GRM8: variants seen among roughly 807,000 people sequenced by gnomAD.
GRM8 encodes metabotropic glutamate receptor 8.
In GRM8, 47 loss-of-function variants were observed where a neutral mutation model predicts 87.2. The observed-to-expected ratio is 0.54, with a 90% CI of 0.43 to 0.69. GRM8 has a LOEUF of 0.69. GRM8 is among the 30% of genes least tolerant of loss of function. GRM8 has a pLI of 0.00. For synonymous variants in GRM8, 396 were observed against 404.5 expected, an observed-to-expected ratio of 0.98 and a Z score of 0.25; for missense variants, 1,019 against 1,139.2, an observed-to-expected ratio of 0.89 and a Z score of 1.52.
intron 3 of GRM8, among the ~76,000 whole-genome samples, chr7:127,018,406 T>TA (rs1183077100): frequency 6.8e-6 from 1 of 147,276 alleles, no homozygotes; most frequent in African/African-American, 2.5e-5. Context: ...CTGAAAATCT[T>TA]AAAGTGGCTT....
chr7:127,218,736 C>A (rs1025654518), intron 2 of GRM8, among the ~76,000 whole-genome samples: 1 of 152,184 alleles, frequency 6.6e-6, no homozygotes, highest in Non-Finnish European at 1.5e-5. Flanking sequence ...GGAAAGCAAC[C>A]CACAGCCCAT....
intron 7 of GRM8, among the ~76,000 whole-genome samples, chr7:126,679,102 T>C (rs1305615931): frequency 6.6e-6 from 1 of 152,218 alleles, no homozygotes; most frequent in African/African-American, 2.4e-5. Flanking sequence ...CAGTAAAGAC[T>C]GTAGGCCATC....
intron 6 of GRM8, among the ~76,000 whole-genome samples, chr7:126,851,087 G>C (rs1413260998): frequency 6.6e-6 from 1 of 152,040 alleles, no homozygotes; most frequent in Non-Finnish European, 1.5e-5. Flanking sequence ...CTCCCAATCT[G>C]CTTATTGGGG....
chr7:127,125,349 G>A (rs1827302122), intron 2 of GRM8, among the ~76,000 whole-genome samples: 1 of 151,974 alleles, frequency 6.6e-6, no homozygotes, highest in South Asian at 2.1e-4. Flanking sequence ...AAAATTCAAA[G>A]GGGAAAGGAT....
intron 6 of GRM8, among the ~76,000 whole-genome samples, chr7:126,899,386 G>C (rs1470210005): frequency 6.6e-6 from 1 of 151,866 alleles, no homozygotes; most frequent in Non-Finnish European, 1.5e-5. Flanking sequence ...TGCTGTTCAC[G>C]CACCTACACG....
intron 7 of GRM8, among the ~76,000 whole-genome samples, chr7:126,648,958 C>T (rs187083251): frequency 3.9e-5 from 6 of 152,264 alleles, no homozygotes; most frequent in South Asian, 2.1e-4. Flanking sequence ...CAGTCATTTA[C>T]GAAATGGCTG....
intron 3 of GRM8, among the ~76,000 whole-genome samples, chr7:127,034,533 T>C (rs772621348): frequency 6.6e-5 from 10 of 152,180 alleles, no homozygotes; most frequent in Non-Finnish European, 1.2e-4. Flanking sequence ...CCCCTGTTCC[T>C]TCCCTTTTCC....
At chr7:126,768,673 C>T (rs1354214363) in intron 7 of GRM8, among the ~76,000 whole-genome samples, 1 of 151,838 alleles carries the variant, frequency 6.6e-6, no homozygotes, top group African/African-American at 2.4e-5. Context: ...ATTATTCTTC[C>T]CACTTCTTAA....
At chr7:127,182,632 GGTGTGTGTGTGTGT>G (rs35530710) in intron 2 of GRM8, among the ~76,000 whole-genome samples, 13,334 of 141,732 alleles carry the variant, frequency 0.094, 1,163 homozygotes, top group African/African-American at 0.23. Context: ...AAGAAAGTGT[GGTGTGTGTGTGTGT>G]GTGTGTGTGT....
At chr7:126,673,950 T>C (rs955093365) in intron 7 of GRM8, among the ~76,000 whole-genome samples, 2 of 152,214 alleles carry the variant, frequency 1.3e-5, no homozygotes, top group Non-Finnish European at 2.9e-5. Flanking sequence ...TACTGCACAC[T>C]GACTTGAGAA....
At position 127,205,168 on chromosome 7, in the gene GRM8, C is replaced by G. The variant is rs1795831627; in HGVS notation, c.510+37527G>C. ...TTTTTCAGTGAGAACAGACGCGCCA[C>G]TGCTACAGCTGGCCCTGTATGTTAT... is the stretch of plus-strand genomic sequence containing the variant. On this transcript the variant is annotated intron_variant, in intron 2 of 10. Transcript: ENST00000339582. 2.0e-5 allele frequency among the ~76,000 whole-genome samples: 3 copies of G among 152,228 alleles called. No homozygotes were observed. In the South Asian group the frequency reaches 6.2e-4, roughly 32 times the overall value.
intron 6 of GRM8, among the ~76,000 whole-genome samples, chr7:126,795,924 A>C (rs906803315): frequency 6.6e-6 from 1 of 152,094 alleles, no homozygotes; most frequent in Non-Finnish European, 1.5e-5. Context: ...TAAAACATCA[A>C]CATAGTCTAC....
At chr7:127,000,171 A>T (rs1170206999) in intron 3 of GRM8, among the ~76,000 whole-genome samples, 1 of 151,264 alleles carries the variant, frequency 6.6e-6, no homozygotes, top group Non-Finnish European at 1.5e-5. Flanking sequence ...GTTCTCACTT[A>T]TTTGTGGGAA....
At chr7:127,115,004 G>C (rs1021401562) in intron 2 of GRM8, among the ~76,000 whole-genome samples, 3 of 152,130 alleles carry the variant, frequency 2.0e-5, no homozygotes, top group African/African-American at 4.8e-5. Flanking sequence ...AGCCCTAAGA[G>C]AGAGAGCAGT....
At chr7:127,191,353 A>G (rs1176162932) in intron 2 of GRM8, among the ~76,000 whole-genome samples, 1 of 152,196 alleles carries the variant, frequency 6.6e-6, no homozygotes, top group Non-Finnish European at 1.5e-5. Context: ...TGTTTTTATC[A>G]TATAAAAAAG....
At chr7:126,463,383 G>A (rs1485524546) in intron 9 of GRM8, among the ~76,000 whole-genome samples, 1 of 151,606 alleles carries the variant, frequency 6.6e-6, no homozygotes, top group Non-Finnish European at 1.5e-5. Context: ...TAAGGAACAA[G>A]TGAAAACTGA....
intron 9 of GRM8, among the ~76,000 whole-genome samples, chr7:126,461,918 G>A (rs942314285): frequency 4.6e-5 from 7 of 151,584 alleles, no homozygotes; most frequent in Non-Finnish European, 8.9e-5. Context: ...TAAATATAAA[G>A]AGTTATGTCA....
intron 6 of GRM8, among the ~76,000 whole-genome samples, chr7:126,852,626 T>G (rs1328749038): frequency 1.3e-5 from 2 of 152,180 alleles, no homozygotes. Flanking sequence ...TTAATAAACC[T>G]TCTTAGAAAT....
At chr7:126,505,165 C>A (rs909839075) in intron 9 of GRM8, among the ~76,000 whole-genome samples, 1 of 151,984 alleles carries the variant, frequency 6.6e-6, no homozygotes, top group Non-Finnish European at 1.5e-5. Flanking sequence ...TATAAGCAGA[C>A]TTATAGACAT....
Sources: allele counts gnomAD v4.1 joint callset (sites outside exome capture counted in the v4.1 genomes callset), GRCh38; gene constraint gnomAD v4.1.1; transcripts MANE v1.5; gene names NCBI Gene and HGNC (gene_info 2026-07-23, HGNC 2026-07-21).